Variants in ANO2 observed in about 807,000 individuals in gnomAD.
The protein encoded by ANO2 is anoctamin-2.
In ANO2, 101 loss-of-function variants were observed where a neutral mutation model predicts 124.2. The observed-to-expected ratio is 0.81, with a 90% CI of 0.69 to 0.96. The LOEUF (loss-of-function observed/expected upper bound fraction) is 0.96. Ranked by LOEUF, ANO2 falls within the 40% of genes least tolerant of loss-of-function variation. The pLI, the probability that ANO2 is intolerant of heterozygous loss-of-function variation, is 0.00. For synonymous variants in ANO2, 486 were observed against 482.5 expected (o/e 1.01, Z -0.09); for missense variants, 1,293 against 1,274.5 (o/e 1.01, Z -0.22).
intron 11 of ANO2, among the ~76,000 whole-genome samples, chr12:5,748,607 T>C (rs1951339244): frequency 6.6e-6 from 1 of 152,168 alleles, no homozygotes; most frequent in South Asian, 2.1e-4. Flanking sequence ...GAAATAATAA[T>C]GCCTGTTTAC....
chr12:5,722,861 A>G (rs1950287147), intron 14 of ANO2, among the ~76,000 whole-genome samples: 1 of 152,206 alleles, frequency 6.6e-6, no homozygotes, highest in Admixed American at 6.5e-5. Context: ...TTTTAAGGAG[A>G]CAACATTGGG....
At chr12:5,822,292 G>C (rs1378752013) in intron 7 of ANO2, among the ~76,000 whole-genome samples, 5 of 152,196 alleles carry the variant, frequency 3.3e-5, no homozygotes, top group South Asian at 4.1e-4. Context: ...CTGGGGAAGA[G>C]GTATGTAGAT....
intron 20 of ANO2, among the ~76,000 whole-genome samples, chr12:5,582,365 T>C (rs985746732): frequency 6.6e-6 from 1 of 152,228 alleles, no homozygotes; most frequent in Non-Finnish European, 1.5e-5. Context: ...GCCAAGGATC[T>C]TCTAGAATAA....
chr12:5,805,168 T>C (rs1953154124), intron 9 of ANO2, among the ~76,000 whole-genome samples: 1 of 152,190 alleles, frequency 6.6e-6, no homozygotes, highest in African/African-American at 2.4e-5. Flanking sequence ...AAAGACCTTT[T>C]ATGTTTTTAA....
chr12:5,591,146 C>T (rs1019726108), intron 20 of ANO2, among the ~76,000 whole-genome samples: 7 of 152,322 alleles, frequency 4.6e-5, no homozygotes, highest in Admixed American at 1.3e-4. Flanking sequence ...CGCCACTGCA[C>T]TCCAGCCTGG....
At chr12:5,639,987 G>A (rs1946247741) in intron 15 of ANO2, among the ~76,000 whole-genome samples, 2 of 152,154 alleles carry the variant, frequency 1.3e-5, no homozygotes, top group South Asian at 4.1e-4. Context: ...AGCTCTAGAG[G>A]AGGGACATCG....
chr12:5,732,739 T>C, intron 13 of ANO2, 109 bp from the exon 14 acceptor site: 2 of 1,523,568 alleles, frequency 1.3e-6, no homozygotes, highest in Non-Finnish European at 1.8e-6. Context: ...GATTGGATGC[T>C]ATTGGATATG....
At chr12:5,824,991 C>G (rs1272573870) in intron 7 of ANO2, among the ~76,000 whole-genome samples, 2 of 152,170 alleles carry the variant, frequency 1.3e-5, no homozygotes, top group Non-Finnish European at 2.9e-5. Flanking sequence ...TTACCTCCCC[C>G]TGGGTACCTG....
chr12:5,761,918 T>C (rs1392138187), intron 10 of ANO2, among the ~76,000 whole-genome samples: 1 of 152,132 alleles, frequency 6.6e-6, no homozygotes, highest in Non-Finnish European at 1.5e-5. Flanking sequence ...TTGTCTCACA[T>C]GTATGTGCTG....
intron 3 of ANO2, among the ~76,000 whole-genome samples, chr12:5,865,447 C>A (rs1365964488): frequency 1.3e-5 from 2 of 150,568 alleles, no homozygotes; most frequent in Non-Finnish European, 3.0e-5. Flanking sequence ...ACCATCATGC[C>A]ACCACACTAC....
At chr12:5,732,016 T>A (rs1950661479) in intron 14 of ANO2, among the ~76,000 whole-genome samples, 2 of 152,180 alleles carry the variant, frequency 1.3e-5, no homozygotes, top group Admixed American at 6.5e-5. Context: ...CCACCTACCA[T>A]TTACTGGCTG....
At chr12:5,757,592 C>T (rs1451435962) in intron 10 of ANO2, among the ~76,000 whole-genome samples, 2 of 152,176 alleles carry the variant, frequency 1.3e-5, no homozygotes, top group Non-Finnish European at 2.9e-5. Context: ...TTACCCACCA[C>T]CACAGGTTCT....
chr12:5,920,583 A>T (rs976780083), intron 3 of ANO2, among the ~76,000 whole-genome samples: 1 of 152,128 alleles, frequency 6.6e-6, no homozygotes, highest in East Asian at 1.9e-4. Context: ...TGGTTTCTCC[A>T]GGCCAGGCAC....
chr12:5,928,066 G>A (rs1039820550), intron 1 of ANO2, among the ~76,000 whole-genome samples: 3 of 152,176 alleles, frequency 2.0e-5, no homozygotes, highest in Admixed American at 6.5e-5. Context: ...CAGAAAGTGA[G>A]TTCACTAAGC....
chr12:5,850,433 A>G (rs1254896459), intron 4 of ANO2, among the ~76,000 whole-genome samples: 1 of 141,800 alleles, frequency 7.1e-6, no homozygotes, highest in East Asian at 2.2e-4. Context: ...AAAAAAAAAA[A>G]GAAAGAAAGA....
intron 14 of ANO2, among the ~76,000 whole-genome samples, chr12:5,723,402 C>G (rs915918474): frequency 6.6e-6 from 1 of 152,194 alleles, no homozygotes; most frequent in Non-Finnish European, 1.5e-5. Flanking sequence ...AGGCAGGATC[C>G]AGTTCTAAAT....
At chr12:5,797,182 G>A (rs1031288372) in intron 10 of ANO2, among the ~76,000 whole-genome samples, 2 of 152,228 alleles carry the variant, frequency 1.3e-5, no homozygotes, top group African/African-American at 4.8e-5. Flanking sequence ...TCATGGTGTG[G>A]GGCCTGTGAT....
In ANO2 at chr12:5,910,634, T is replaced by G. The variant is rs114465522; in HGVS notation, c.534+10406A>C. ...CATTCAAGTTTGTGGATTCTACCCC[T>G]GAATTCTATCCACAAAACCCTCAAG... On this transcript the variant is annotated intron_variant, in intron 3 of 24. Transcript: ENST00000682330. Among the ~76,000 whole-genome samples the G allele has an allele frequency of 7.6e-3, 1,151 of 152,302 alleles. 14 individuals carry two copies. The highest frequency in any genetic ancestry group is 0.026 in the African/African-American group (1,087 of 41,570).
At chr12:5,699,577 A>T (rs1949322583) in intron 14 of ANO2, among the ~76,000 whole-genome samples, 1 of 152,170 alleles carries the variant, frequency 6.6e-6, no homozygotes, top group African/African-American at 2.4e-5. Flanking sequence ...GACAGGATCA[A>T]ATTCACACGT....
Sources: gnomAD v4.1 joint callset for allele counts (sites outside exome capture counted in the v4.1 genomes callset) on GRCh38, gnomAD v4.1.1 for gene constraint, MANE v1.5 for transcripts, NCBI Gene and HGNC (gene_info 2026-07-23, HGNC 2026-07-21) for gene names.